The following SEMA5A variants were observed in gnomAD, a reference collection of about 807,000 sequenced individuals.
SEMA5A encodes semaphorin-5A.
A neutral mutation model predicts 135.5 loss-of-function variants in SEMA5A; 55 were observed. The ratio of observed to expected loss-of-function variants is 0.41; its 90% CI spans 0.33 to 0.51. The LOEUF is 0.51. SEMA5A is among the 20% of genes least tolerant of loss of function. SEMA5A has a pLI of 0.37. For missense variants in SEMA5A, 1,290 were observed against 1,419.9 expected, an observed-to-expected ratio of 0.91 and a Z score of 1.47; for synonymous variants, 580 against 546.5, an observed-to-expected ratio of 1.06 and a Z score of -0.85.
chr5:9,493,915 G>A (rs1735166061), intron 1 of SEMA5A, among the ~76,000 whole-genome samples: 1 of 152,162 alleles, frequency 6.6e-6, no homozygotes, highest in Admixed American at 6.5e-5. Flanking sequence ...ATATGCTCAG[G>A]TTCAATGCAA....
Position 9,293,735 on chromosome 5 carries a change from T to C in SEMA5A, c.270+24637A>G, listed in dbSNP as rs1579294173. 1.3e-5 allele frequency among the ~76,000 whole-genome samples: 2 copies of C among 152,326 alleles called. 1 individual carries two copies. Among genetic ancestry groups the C allele is most frequent in the South Asian group, 4.1e-4 (2 of 4,826 alleles). On this transcript the variant is annotated intron_variant, in intron 5 of 22. Coordinates refer to ENST00000382496, the MANE Select transcript of SEMA5A (RefSeq NM_003966.3). Reference sequence around the variant, plus strand: ...ATTATTGATCTGCCATATGTCTAATTTAGCCCTATGTCCAGTACTTGAACT... The same window carrying C: ...ATTATTGATCTGCCATATGTCTAATCTAGCCCTATGTCCAGTACTTGAACT...
At chr5:9,435,001 CT>C (rs1252179028) in intron 2 of SEMA5A, among the ~76,000 whole-genome samples, 1 of 152,008 alleles carries the variant, frequency 6.6e-6, no homozygotes, top group East Asian at 1.9e-4. Flanking sequence ...TCAAATATGC[CT>C]TTAAGTATCA....
rs527826287 is a variant in SEMA5A, at chr5:9,344,809, T to C, written c.125-6997A>G. Among the ~76,000 whole-genome samples, 4 of 152,326 alleles carry C rather than the reference T, an allele frequency of 2.6e-5. No homozygotes were observed. The South Asian group carries it at 8.3e-4, about 32-fold the overall frequency. On this transcript the variant is annotated intron_variant, in intron 3 of 22. Transcript: ENST00000382496. ...ATATATGAGCCTCTACTATTTTCAG[T>C]ATAACTCCTATTGAGGGCTTAGTTG...
intron 16 of SEMA5A, among the ~76,000 whole-genome samples, chr5:9,093,649 G>T (rs1560906976): frequency 6.6e-6 from 1 of 151,996 alleles, no homozygotes; most frequent in East Asian, 1.9e-4. Context: ...GGAGCTTGCA[G>T]TGAACTGAGA....
intron 5 of SEMA5A, among the ~76,000 whole-genome samples, chr5:9,307,668 G>A (rs750323057): frequency 4.6e-5 from 7 of 152,074 alleles, no homozygotes; most frequent in Admixed American, 1.3e-4. Context: ...TTTTGGAAGG[G>A]ACATACAGAT....
intron 13 of SEMA5A, among the ~76,000 whole-genome samples, chr5:9,135,179 CTTT>C (rs11297927): frequency 1.5e-4 from 18 of 123,530 alleles, no homozygotes; most frequent in Non-Finnish European, 1.8e-4. Flanking sequence ...TTCCGACTTT[CTTT>C]TTTTTTTTTT....
At position 9,119,018 on chromosome 5, in the gene SEMA5A, C is replaced by T. The variant is rs1670845540; in HGVS notation, c.1905G>A (p.Val635=). The change falls in exon 15 of 23, where the codon GTG becomes GTA. Residue 635 remains valine (V), a synonymous_variant. Coordinates refer to ENST00000382496, the MANE Select transcript of SEMA5A (RefSeq NM_003966.3). ...CGTACCTTTCCTCGCGGTTCTGTCCCACGCACACCCGGCCCCCGTGCCTGG... is the reference window on the plus strand; with the variant it reads ...CGTACCTTTCCTCGCGGTTCTGTCCTACGCACACCCGGCCCCCGTGCCTGG... The part of the protein sequence containing the change: ...PTPRHGGRVC[V]GQNREERYCN... The T allele has an allele frequency of 6.2e-7, 1 of 1,613,470 alleles. No homozygotes were observed. Among genetic ancestry groups the T allele is most frequent in the Non-Finnish European group, 8.5e-7 (1 of 1,179,838 alleles).
intron 3 of SEMA5A, among the ~76,000 whole-genome samples, chr5:9,361,675 A>G (rs533437382): frequency 6.6e-6 from 1 of 152,258 alleles, no homozygotes; most frequent in South Asian, 2.1e-4. Flanking sequence ...TGCTCTGACC[A>G]TATTGATGCT....
chr5:9,056,258 A>G (rs2150053357), intron 18 of SEMA5A, among the ~76,000 whole-genome samples: 1 of 152,334 alleles, frequency 6.6e-6, no homozygotes, highest in African/African-American at 2.4e-5. Context: ...GGAAATGCAA[A>G]TCAAAACCAC....
At chr5:9,123,405 G>A (rs1461739383) in intron 13 of SEMA5A, among the ~76,000 whole-genome samples, 1 of 150,150 alleles carries the variant, frequency 6.7e-6, no homozygotes, top group African/African-American at 2.5e-5. Flanking sequence ...AATAAGAAGA[G>A]GAAGATGAAG....
rs149244368 is a variant in SEMA5A at position 9,069,527 on chromosome 5, A to G, written c.2074-2881T>C. ...CCAACTTTACCTGGGAACCTAATAC[A>G]ATCTTTATTTTGTACTGTTTTAAAT... On this transcript the variant is annotated intron_variant, in intron 16 of 22. Coordinates refer to ENST00000382496, the MANE Select transcript of SEMA5A (RefSeq NM_003966.3). Among the ~76,000 whole-genome samples, 32 of 152,314 alleles carry G rather than the reference A, an allele frequency of 2.1e-4. 1 individual carries two copies. The East Asian group carries it at 6.2e-3, about 29-fold the overall frequency.
intron 8 of SEMA5A, among the ~76,000 whole-genome samples, chr5:9,220,667 A>C (rs1746893443): frequency 6.6e-6 from 1 of 152,200 alleles, no homozygotes; most frequent in African/African-American, 2.4e-5. Context: ...AAGCTTAAAG[A>C]CCAGCGGAAG....
Position 9,242,863 on chromosome 5 carries a change from A to G in SEMA5A, c.271-4973T>C, listed in dbSNP as rs1748278953. Among the ~76,000 whole-genome samples, 5 of 152,196 alleles carry G rather than the reference A, an allele frequency of 3.3e-5. No individual in the cohort carries two copies. The South Asian group carries it at 1.0e-3, about 31-fold the overall frequency. ...AGTCATATCATCCCACTATTTTTTG[A>G]TTCTCATACACTGCCATCATCTAAA... On this transcript the variant is annotated intron_variant, in intron 5 of 22. Coordinates refer to ENST00000382496, the MANE Select transcript of SEMA5A (RefSeq NM_003966.3).
chr5:9,544,945 C>A (rs752715214), intron 1 of SEMA5A, among the ~76,000 whole-genome samples: 3 of 152,208 alleles, frequency 2.0e-5, no homozygotes, highest in Non-Finnish European at 4.4e-5. Context: ...GTGCAAAATC[C>A]GTGGAGCAGC....
At chr5:9,228,397 G>A (rs918364818) in intron 6 of SEMA5A, among the ~76,000 whole-genome samples, 5 of 152,200 alleles carry the variant, frequency 3.3e-5, no homozygotes, top group Admixed American at 6.5e-5. Flanking sequence ...TCAAAGTGTC[G>A]TGGCTAGAGA....
rs13188556 is a variant in SEMA5A at position 9,332,197 on chromosome 5, A to G, written c.224+5516T>C. Among the ~76,000 whole-genome samples, 79 of 152,080 alleles carry G rather than the reference A, an allele frequency of 5.2e-4. 2 individuals are homozygous for G. In the South Asian group the frequency reaches 0.016, roughly 30 times the overall value. On this transcript the variant is annotated intron_variant, in intron 4 of 22. Coordinates refer to ENST00000382496, the MANE Select transcript of SEMA5A (RefSeq NM_003966.3). ...TTACATCATGTCAGATGTGCAAGGCATGCAGCTCTGGGCTGGTACTCACAT... is the reference window on the plus strand; with the variant it reads ...TTACATCATGTCAGATGTGCAAGGCGTGCAGCTCTGGGCTGGTACTCACAT...
chr5:9,360,462 T>C (rs114366717), intron 3 of SEMA5A, among the ~76,000 whole-genome samples: 130 of 152,336 alleles, frequency 8.5e-4, no homozygotes, highest in African/African-American at 2.9e-3. Flanking sequence ...GAAAGAACTA[T>C]CTCAATTGTG....
chr5:9,444,284 C>G (rs1758347844), intron 1 of SEMA5A, among the ~76,000 whole-genome samples: 1 of 151,496 alleles, frequency 6.6e-6, no homozygotes, highest in South Asian at 2.1e-4. Context: ...CTTGGTGCAC[C>G]CATTACCTGA....
chr5:9,371,626 T>C (rs1434829375), intron 3 of SEMA5A, among the ~76,000 whole-genome samples: 1 of 152,236 alleles, frequency 6.6e-6, no homozygotes, highest in Non-Finnish European at 1.5e-5. Flanking sequence ...GGTTATACCT[T>C]AGCTGGTTCC....
Sources: gnomAD v4.1 joint callset for allele counts (sites outside exome capture counted in the v4.1 genomes callset) on GRCh38, gnomAD v4.1.1 for gene constraint, MANE v1.5 for transcripts, NCBI Gene and HGNC (gene_info 2026-07-23, HGNC 2026-07-21) for gene names.